ADAMTSL1: variants seen among roughly 807,000 people sequenced by gnomAD.
ADAMTSL1 encodes ADAMTS-like protein 1.
Under a neutral mutation model 201.8 loss-of-function variants are expected in ADAMTSL1, and 126 were observed. The observed-to-expected ratio is 0.62, with a 90% CI of 0.54 to 0.72. ADAMTSL1 has a LOEUF of 0.72. ADAMTSL1 is among the 30% of genes least tolerant of loss of function. ADAMTSL1 has a pLI of 0.00. For missense variants in ADAMTSL1, 2,679 were observed against 2,277.8 expected (o/e 1.18, Z -3.59); for synonymous variants, 1,121 against 903.4 (o/e 1.24, Z -4.32).
intron 1 of ADAMTSL1, among the ~76,000 whole-genome samples, chr9:18,043,500 C>T (rs766995372): frequency 6.6e-6 from 1 of 152,058 alleles, no homozygotes; most frequent in Non-Finnish European, 1.5e-5. Flanking sequence ...CAAGTTATTG[C>T]AGTTCATTGA....
chr9:18,280,872 G>C (rs1024610255), intron 2 of ADAMTSL1, among the ~76,000 whole-genome samples: 1 of 108,566 alleles, frequency 9.2e-6, no homozygotes, highest in African/African-American at 3.4e-5. Context: ...GCTGCATTCC[G>C]CTTTTTTTTT....
intron 1 of ADAMTSL1, among the ~76,000 whole-genome samples, chr9:18,101,342 A>G (rs1347951496): frequency 6.6e-6 from 1 of 152,020 alleles, no homozygotes; most frequent in Admixed American, 6.6e-5. Context: ...CTAAAAAAAT[A>G]CAAAAATTAG....
intron 3 of ADAMTSL1, among the ~76,000 whole-genome samples, chr9:18,545,283 C>A (rs1030797122): frequency 6.6e-6 from 1 of 152,208 alleles, no homozygotes; most frequent in Admixed American, 6.5e-5. Context: ...ACATGAAATG[C>A]CTTATTTAGG....
chr9:18,114,367 C>T (rs111321823), intron 1 of ADAMTSL1, among the ~76,000 whole-genome samples: 10 of 152,224 alleles, frequency 6.6e-5, no homozygotes, highest in African/African-American at 1.2e-4. Flanking sequence ...TTTGACCTGA[C>T]GAGTTTGTGC....
At chr9:18,623,149 G>A (rs572914715) in intron 5 of ADAMTSL1, among the ~76,000 whole-genome samples, 1 of 152,028 alleles carries the variant, frequency 6.6e-6, no homozygotes, top group South Asian at 2.1e-4. Flanking sequence ...ACCCGCCTCA[G>A]CCCCCCAAAG....
At chr9:18,077,580 A>C (rs1049470565) in intron 1 of ADAMTSL1, among the ~76,000 whole-genome samples, 22 of 152,210 alleles carry the variant, frequency 1.4e-4, no homozygotes, top group Admixed American at 1.2e-3. Flanking sequence ...AGAAGTTTCA[A>C]AGAAAGGAGT....
At chr9:18,577,709 A>C (rs1424566467) in intron 4 of ADAMTSL1, among the ~76,000 whole-genome samples, 1 of 152,188 alleles carries the variant, frequency 6.6e-6, no homozygotes, top group South Asian at 2.1e-4. Flanking sequence ...TAAGTTGAAA[A>C]ATATATTAAA....
intron 3 of ADAMTSL1, among the ~76,000 whole-genome samples, chr9:18,553,316 A>G (rs182690112): frequency 3.3e-5 from 5 of 151,028 alleles, no homozygotes; most frequent in Non-Finnish European, 5.9e-5. Flanking sequence ...TTTAATATGC[A>G]TACCTAAAGT....
chr9:18,136,169 C>G (rs1826148531), intron 1 of ADAMTSL1, among the ~76,000 whole-genome samples: 1 of 152,142 alleles, frequency 6.6e-6, no homozygotes, highest in Non-Finnish European at 1.5e-5. Flanking sequence ...GTTCCCAAAC[C>G]TGGCTGCACA....
At chr9:18,339,156 C>T (rs1232007366) in intron 2 of ADAMTSL1, among the ~76,000 whole-genome samples, 2 of 152,118 alleles carry the variant, frequency 1.3e-5, no homozygotes, top group Non-Finnish European at 1.5e-5. Context: ...TAAGCTATAA[C>T]AGAGTAAACA....
intron 1 of ADAMTSL1, among the ~76,000 whole-genome samples, chr9:18,002,812 C>A (rs1371422050): frequency 6.6e-6 from 1 of 151,958 alleles, no homozygotes; most frequent in Non-Finnish European, 1.5e-5. Context: ...GAAAGGAAGT[C>A]AAAGTACAAG....
intron 1 of ADAMTSL1, among the ~76,000 whole-genome samples, chr9:17,987,195 T>C (rs1818963432): frequency 6.6e-6 from 1 of 152,092 alleles, no homozygotes; most frequent in Non-Finnish European, 1.5e-5. Flanking sequence ...GTAATGGCAG[T>C]AGCAGATGCA....
intron 1 of ADAMTSL1, among the ~76,000 whole-genome samples, chr9:17,959,513 C>A (rs929019517): frequency 3.9e-5 from 6 of 152,070 alleles, no homozygotes; most frequent in African/African-American, 1.2e-4. Context: ...GGCTGGAGTG[C>A]AGCAGTGCAT....
chr9:18,453,007 T>C (rs1246357852), intron 2 of ADAMTSL1, among the ~76,000 whole-genome samples: 1 of 152,242 alleles, frequency 6.6e-6, no homozygotes, highest in African/African-American at 2.4e-5. Flanking sequence ...GCAGTGGCTC[T>C]GCCTTTGTGA....
chr9:18,358,971 T>A (rs1836379427), intron 2 of ADAMTSL1, among the ~76,000 whole-genome samples: 1 of 151,992 alleles, frequency 6.6e-6, no homozygotes, highest in South Asian at 2.1e-4. Context: ...GAGGGTGGGG[T>A]AGGGGTTGGG....
intron 2 of ADAMTSL1, among the ~76,000 whole-genome samples, chr9:18,466,612 G>A (rs1821015493): frequency 6.6e-6 from 1 of 151,954 alleles, no homozygotes; most frequent in East Asian, 1.9e-4. Flanking sequence ...ATAAATATAT[G>A]CAATTTTATT....
intron 15 of ADAMTSL1, among the ~76,000 whole-genome samples, chr9:18,735,131 C>T (rs1006721488): frequency 2.0e-5 from 3 of 152,190 alleles, no homozygotes; most frequent in Non-Finnish European, 4.4e-5. Context: ...AGACACCTCT[C>T]ATGGCTCAGG....
At chr9:18,409,105 C>A (rs113874756) in intron 2 of ADAMTSL1, among the ~76,000 whole-genome samples, 1 of 151,768 alleles carries the variant, frequency 6.6e-6, no homozygotes, top group South Asian at 2.1e-4. Context: ...ACATCCAGGC[C>A]GGGCACAGTG....
intron 23 of ADAMTSL1, among the ~76,000 whole-genome samples, chr9:18,835,857 T>C (rs1184477555): frequency 6.6e-6 from 1 of 152,168 alleles, no homozygotes; most frequent in African/African-American, 2.4e-5. Flanking sequence ...TATGGCTGCA[T>C]AGTATCCTAT....
Sources: gnomAD v4.1 joint callset for allele counts (sites outside exome capture counted in the v4.1 genomes callset) on GRCh38, gnomAD v4.1.1 for gene constraint, MANE v1.5 for transcripts, NCBI Gene and HGNC (gene_info 2026-07-23, HGNC 2026-07-21) for gene names.